AVPR1B: variants seen among roughly 807,000 people sequenced by gnomAD.
AVPR1B encodes arginine vasopressin receptor 1B.
A neutral mutation model predicts 27.5 loss-of-function variants in AVPR1B; 25 were observed. That is an observed-to-expected ratio of 0.91 (90% CI 0.66 to 1.27). The LOEUF (loss-of-function observed/expected upper bound fraction) is 1.27, where lower values mean the gene tolerates loss of function less well. AVPR1B is among the 50% of genes most tolerant of loss of function. AVPR1B has a pLI of 0.00. For missense variants in AVPR1B, 595 were observed against 556.9 expected (o/e 1.07, Z -0.69); for synonymous variants, 248 against 240.2 (o/e 1.03, Z -0.30).
rs781913673 is a variant in AVPR1B, at chr1:206,116,376, A to T, written c.515T>A (p.Phe172Tyr). 3.7e-6 allele frequency: 6 copies of T among 1,613,820 alleles called. No individual in the cohort carries two copies. In the South Asian group the frequency reaches 6.6e-5, roughly 18 times the overall value. ...AIFSLPQVFI[F>Y]SLREVIQGSG... The stretch of plus-strand genomic sequence containing the variant: ...GCCCTGGATCACCTCCCGCAGGGAA[A>T]AAATGAAGACTTGAGGGAGGCTGAA... The change falls in exon 1 of 2, where the codon TTT (phenylalanine) becomes TAT (tyrosine). Residue 172 changes from phenylalanine (F) to tyrosine (Y), a missense_variant. Phe to Tyr is a conservative substitution (Grantham distance 22, BLOSUM62 3). Coordinates refer to ENST00000367126, the MANE Select transcript of AVPR1B (RefSeq NM_000707.5).
At position 206,112,119 on chromosome 1, in the gene AVPR1B, C is replaced by T. The variant is rs530164396; in HGVS notation, c.941-1596G>A. Among the ~76,000 whole-genome samples the T allele has an allele frequency of 1.6e-3, 250 of 152,022 alleles. 1 individual carries two copies. Among genetic ancestry groups the T allele is most frequent in the African/African-American group, 5.7e-3 (238 of 41,482 alleles). ...CTGAGGCGGGAGAATCGCTTGAACC[C>T]GAGAGGCAGAGATTGCAGTGAGCTG... On this transcript the variant is annotated intron_variant, in intron 1 of 1. Transcript: ENST00000367126.
At position 206,116,030 on chromosome 1, in the gene AVPR1B, C is replaced by T. The variant is rs782513973; in HGVS notation, c.861G>A (p.Val287=). The change falls in exon 1 of 2, where the codon GTG becomes GTA. Residue 287 remains valine, a synonymous_variant. Coordinates refer to ENST00000367126, the MANE Select transcript of AVPR1B (RefSeq NM_000707.5). ...IRTVKMTFVI[V]LAYIACWAPF... ...GAGCCCAGCAAGCGATGTAGGCCAG[C>T]ACGATGACAAAGGTCATCTTCACTG... 6.2e-7 allele frequency: 1 copy of T among 1,614,084 alleles called. No homozygotes were observed. The highest frequency in any genetic ancestry group is 1.3e-5 in the African/African-American group (1 of 74,932).
intron 1 of AVPR1B, among the ~76,000 whole-genome samples, chr1:206,112,509 G>T (rs973687593): frequency 1.3e-5 from 2 of 152,090 alleles, no homozygotes; most frequent in African/African-American, 4.8e-5. Context: ...TTGAGACAGG[G>T]TCTCGCTCTG....
At chr1:206,115,817 A>G in intron 1 of AVPR1B, 134 bp downstream of exon 1, 1 of 790,002 alleles carries the variant, frequency 1.3e-6, no homozygotes, top group Non-Finnish European at 1.9e-6. Flanking sequence ...CACTTGGAGC[A>G]GGCACCATCT....
chr1:206,110,047 C>T lies in AVPR1B; in HGVS notation c.*142G>A. ...CAGCTGTGACACCAGGGTAGGGGAC[C>T]CATTCTGGCCTTTTCGCTCCGCTTT... is the stretch of plus-strand genomic sequence containing the variant. On this transcript the variant is annotated 3_prime_UTR_variant, in exon 2 of 2. Transcript: ENST00000367126. The T allele has an allele frequency of 1.0e-6, 1 of 956,948 alleles. No individual in the cohort carries two copies. Among genetic ancestry groups the T allele is most frequent in the Non-Finnish European group, 1.5e-6 (1 of 654,086 alleles). 59.3% of individuals were successfully genotyped at this position (956,948 alleles called of 1,614,324 possible).
At chr1:206,111,259 A>G (rs539221349) in intron 1 of AVPR1B, among the ~76,000 whole-genome samples, 1 of 151,708 alleles carries the variant, frequency 6.6e-6, no homozygotes, top group East Asian at 1.9e-4. Flanking sequence ...TAGGAACTGT[A>G]CCTTTCTGCA....
chr1:206,110,359 C>A lies in AVPR1B; in HGVS notation c.1105G>T (p.Asp369Tyr). ...GTGTGGCGGCTCGAGAGGCTGCCGT[C>A]GGAGAGCCGCCGGCGCATCCTGGGC... ...PQPRMRRRLS[D>Y]GSLSSRHTTL... The change falls in exon 2 of 2, where the codon GAC becomes TAC. Residue 369 changes from aspartate to tyrosine, a missense_variant. By Grantham distance (160) the Asp-to-Tyr change is radical. Transcript: ENST00000367126. The A allele has an allele frequency of 6.2e-7, 1 of 1,609,238 alleles. No individual in the cohort carries two copies. The highest frequency in any genetic ancestry group is 8.5e-7 in the Non-Finnish European group (1 of 1,178,390).
chr1:206,109,915 A>G lies in AVPR1B; in HGVS notation c.*274T>C, dbSNP rs1553289467. 11 of 463,130 alleles carry G rather than the reference A, an allele frequency of 2.4e-5. No individual in the cohort carries two copies. Among genetic ancestry groups the G allele is most frequent in the Admixed American group, 3.8e-5 (1 of 26,620 alleles). 28.7% of individuals were successfully genotyped at this position (463,130 alleles called of 1,614,324 possible). A position where few individuals can be genotyped will look rare whatever the true frequency, so the allele number is the denominator to read the frequency against. ...CCTAGATCTGGGACACCATGTGTGC[A>G]TGGACACCCTATGAATATGGCAGGA... is the stretch of plus-strand genomic sequence containing the variant. On this transcript the variant is annotated 3_prime_UTR_variant, in exon 2 of 2. Transcript: ENST00000367126.
rs1430738875 is a variant in AVPR1B, at chr1:206,111,666, AAC to A, written c.941-1145_941-1144del. ...CAAAGCTCAACTGCCTACTCTGCAA[AAC>A]ACTGTGAAAGCTTCAGATGCACAGG... is the stretch of plus-strand genomic sequence containing the variant. On this transcript the variant is annotated intron_variant, in intron 1 of 1. Transcript: ENST00000367126. Among the ~76,000 whole-genome samples, 3 of 152,348 alleles carry A rather than the reference AAC, an allele frequency of 2.0e-5. No homozygotes were observed. In the East Asian group the frequency reaches 5.8e-4, roughly 29 times the overall value.
chr1:206,113,883 A>C (rs1663419144), intron 1 of AVPR1B, among the ~76,000 whole-genome samples: 1 of 152,204 alleles, frequency 6.6e-6, no homozygotes, highest in Non-Finnish European at 1.5e-5. Flanking sequence ...TGAGGGCTGA[A>C]TGTGCCTGTG....
At position 206,109,714 on chromosome 1, in the gene AVPR1B, C is replaced by G. The variant is rs1663337670; in HGVS notation, c.*475G>C. On this transcript the variant is annotated 3_prime_UTR_variant, in exon 2 of 2. Transcript: ENST00000367126. Reference sequence around the variant, plus strand: ...ATTTTCTCTCTAACAACAACAACAACAACAACAAATCCAGGATCCAAATAG... The same window carrying G: ...ATTTTCTCTCTAACAACAACAACAAGAACAACAAATCCAGGATCCAAATAG... 6.2e-6 allele frequency: 1 copy of G among 160,552 alleles called. No homozygotes were observed. The highest frequency in any genetic ancestry group is 6.2e-5 in the Admixed American group (1 of 16,258). The allele number at this position is 160,552 out of a possible 1,614,324, so 9.9% of individuals were successfully genotyped here. A position where few individuals can be genotyped will look rare whatever the true frequency, so the allele number is the denominator to read the frequency against.
At chr1:206,110,762 T>A (rs1426502691) in intron 1 of AVPR1B, among the ~76,000 whole-genome samples, 1 of 152,132 alleles carries the variant, frequency 6.6e-6, no homozygotes, top group African/African-American at 2.4e-5. Flanking sequence ...AACTGCAGGG[T>A]GAAGGTAGGA....
Position 206,107,477 on chromosome 1 carries a change from T to G in AVPR1B, c.*2712A>C, listed in dbSNP as rs1200907694. Among the ~76,000 whole-genome samples, 3 of 152,158 alleles carry G rather than the reference T, an allele frequency of 2.0e-5. No individual in the cohort carries two copies. Among genetic ancestry groups the G allele is most frequent in the Non-Finnish European group, 2.9e-5 (2 of 68,038 alleles). Reference sequence around the variant, plus strand: ...AGATCCGATGAGATCCACCATTTCCTTCAGGAGCTTCCTGGAATGGGTTCC... The same window carrying G: ...AGATCCGATGAGATCCACCATTTCCGTCAGGAGCTTCCTGGAATGGGTTCC... On this transcript the variant is annotated 3_prime_UTR_variant, in exon 2 of 2. Coordinates refer to ENST00000367126, the MANE Select transcript of AVPR1B (RefSeq NM_000707.5).
rs782749281 is a variant in AVPR1B at position 206,116,675 on chromosome 1, G to C, written c.216C>G (p.Phe72Leu). The change falls in exon 1 of 2, where the codon TTC becomes TTG. Residue 72 changes from phenylalanine to leucine, a missense_variant. Transcript: ENST00000367126. The stretch of plus-strand genomic sequence containing the variant: ...GGTCTGTCAGGGCTAAGTGCAGCAC[G>C]AACAGGTGCATGCGGGAGCGCTTGC... ...LGRKRSRMHL[F>L]VLHLALTDLA... 6.2e-7 allele frequency: 1 copy of C among 1,610,566 alleles called. No homozygotes were observed. The highest frequency in any genetic ancestry group is 1.7e-5 in the Admixed American group (1 of 59,820).
rs1039502055 is a variant in AVPR1B, at chr1:206,108,140, G to A, written c.*2049C>T. On this transcript the variant is annotated 3_prime_UTR_variant, in exon 2 of 2. Coordinates refer to ENST00000367126, the MANE Select transcript of AVPR1B (RefSeq NM_000707.5). ...GATGGGGCAAGGGGGTGGGGAGGCC[G>A]CTTTTGTAAGCAGGGGAAGGAGCAG... 9.2e-5 allele frequency among the ~76,000 whole-genome samples: 14 copies of A among 152,184 alleles called. No homozygotes were observed. Among genetic ancestry groups the A allele is most frequent in the East Asian group, 5.8e-4 (3 of 5,194 alleles).
At chr1:206,115,377 A>T (rs1663446605) in intron 1 of AVPR1B, among the ~76,000 whole-genome samples, 1 of 152,192 alleles carries the variant, frequency 6.6e-6, no homozygotes, top group Admixed American at 6.5e-5. Context: ...TGTGTGTCAC[A>T]TCCAATTCTT....
chr1:206,116,555 G>T lies in AVPR1B; in HGVS notation c.336C>A (p.Tyr112Ter). ...AGGCAAACATGCTGAGCACCTGCAGGTACTTGACGGCCCTGCACAGGAGGT... is the reference window on the plus strand; with the variant it reads ...AGGCAAACATGCTGAGCACCTGCAGTTACTTGACGGCCCTGCACAGGAGGT... ...GPDLLCRAVK[Y>*]LQVLSMFAST... The change falls in exon 1 of 2, where the codon TAC becomes TAA. Residue 112 changes from tyrosine to a stop codon, truncating the protein, a stop_gained. Coordinates refer to ENST00000367126, the MANE Select transcript of AVPR1B (RefSeq NM_000707.5). LOFTEE classifies it high-confidence loss of function. 1 of 1,614,200 alleles carries T rather than the reference G, an allele frequency of 6.2e-7. No homozygotes were observed. Among genetic ancestry groups the T allele is most frequent in the Non-Finnish European group, 8.5e-7 (1 of 1,180,034 alleles).
chr1:206,115,934 A>G lies in AVPR1B; in HGVS notation c.940+17T>C. The G allele has an allele frequency of 6.3e-7, 1 of 1,578,504 alleles. No individual in the cohort carries two copies. Among genetic ancestry groups the G allele is most frequent in the Non-Finnish European group, 8.6e-7 (1 of 1,158,416 alleles). On this transcript the variant is annotated intron_variant, in intron 1 of 1. Transcript: ENST00000367126. ...CTGTCTCTCCCACCTCACTGCCCCC[A>G]CATAGACCCCACTTGCCTTCATCAG...
chr1:206,110,923 G>A (rs34141846), intron 1 of AVPR1B, among the ~76,000 whole-genome samples: 2,381 of 152,242 alleles, frequency 0.016, 64 homozygotes, highest in African/African-American at 0.054. Flanking sequence ...TGTAAAACAG[G>A]CAGGGAAAAT....
Sources: gnomAD v4.1 joint callset for allele counts (sites outside exome capture counted in the v4.1 genomes callset) on GRCh38, gnomAD v4.1.1 for gene constraint, MANE v1.5 for transcripts, NCBI Gene and HGNC (gene_info 2026-07-23, HGNC 2026-07-21) for gene names.